SLC9B1: variants seen among roughly 807,000 people sequenced by gnomAD.
SLC9B1 encodes the protein solute carrier family 9 member B1, also known as sodium/hydrogen exchanger 9B1.
SLC9B1 carries 32 observed loss-of-function variants against 51.7 expected under a neutral mutation model. That is an observed-to-expected ratio of 0.62 (90% CI 0.47 to 0.83). The LOEUF (loss-of-function observed/expected upper bound fraction) is 0.83, where lower values mean the gene tolerates loss of function less well. SLC9B1 is among the 40% of genes least tolerant of loss of function. The pLI, the probability that SLC9B1 is intolerant of heterozygous loss-of-function variation, is 0.00. For synonymous variants in SLC9B1, 145 were observed against 212.7 expected, an observed-to-expected ratio of 0.68 and a Z score of 2.77; for missense variants, 406 against 613.2, an observed-to-expected ratio of 0.66 and a Z score of 3.57.
chr4:102,981,184 C>A (rs1655011868), intron 3 of SLC9B1, among the ~76,000 whole-genome samples: 1 of 152,088 alleles, frequency 6.6e-6, no homozygotes, highest in Admixed American at 6.6e-5. Context: ...TAGGTCATTT[C>A]TTTTCAGTAT....
intron 1 of SLC9B1, among the ~76,000 whole-genome samples, chr4:103,011,764 G>A (rs1445413985): frequency 6.6e-6 from 1 of 152,170 alleles, no homozygotes; most frequent in Non-Finnish European, 1.5e-5. Context: ...AAGGAATGCT[G>A]AGCCACATGT....
intron 4 of SLC9B1, 111 bp from the exon 5 acceptor site, chr4:102,946,900 G>C: frequency 1.0e-6 from 1 of 974,008 alleles, no homozygotes; most frequent in East Asian, 2.9e-5. Flanking sequence ...TTGGTAAAGG[G>C]CAGGTTACAA....
intron 3 of SLC9B1, among the ~76,000 whole-genome samples, chr4:102,955,879 AAGAAAGAAAGAAAGAAAGAAAGAG>A (rs1346788868): frequency 1.9e-3 from 277 of 145,826 alleles, no homozygotes; most frequent in African/African-American, 6.3e-3. Flanking sequence ...GAAAGAAAGA[AAGAAAGAAAGAAAGAAAGAAAGAG>A]AGAGAAAGAC....
At chr4:102,887,195 G>C in intron 11 of SLC9B1, 1 of 589,200 alleles carries the variant, frequency 1.7e-6, no homozygotes, top group Non-Finnish European at 3.1e-6. Flanking sequence ...TGGTTCAGTT[G>C]GATGTAGAAT....
chr4:102,974,260 A>C (rs1738937567), intron 3 of SLC9B1, among the ~76,000 whole-genome samples: 1 of 147,404 alleles, frequency 6.8e-6, no homozygotes, highest in Non-Finnish European at 1.5e-5. Context: ...AAAAAAAAAA[A>C]AAAAAATCGG....
At chr4:102,999,303 A>T (rs1740395392) in intron 1 of SLC9B1, among the ~76,000 whole-genome samples, 1 of 152,228 alleles carries the variant, frequency 6.6e-6, no homozygotes, top group Admixed American at 6.5e-5. Context: ...ATGTTAATGT[A>T]GTCCAATTTA....
chr4:102,998,357 T>A (rs1385996407), intron 1 of SLC9B1, among the ~76,000 whole-genome samples: 1 of 152,206 alleles, frequency 6.6e-6, no homozygotes, highest in African/African-American at 2.4e-5. Flanking sequence ...TGTTGTAGCA[T>A]GTACAGAATT....
intron 3 of SLC9B1, among the ~76,000 whole-genome samples, chr4:102,983,877 C>T (rs11737544): frequency 0.55 from 83,067 of 151,748 alleles, 23,298 homozygotes; most frequent in African/African-American, 0.68. Context: ...TTTAATTGTA[C>T]TGATATCTAC....
Position 102,981,465 on chromosome 4 carries a change from C to T in SLC9B1, c.211+8335G>A, listed in dbSNP as rs112620626. ...AGGGGCTGTACAGTTTGTACAACTCCCACCTGCAATGAATGAAAGTTCCTG... is the reference window on the plus strand; with the variant it reads ...AGGGGCTGTACAGTTTGTACAACTCTCACCTGCAATGAATGAAAGTTCCTG... On this transcript the variant is annotated intron_variant, in intron 3 of 11. Coordinates refer to ENST00000296422, the MANE Select transcript of SLC9B1 (RefSeq NM_139173.4). Among the ~76,000 whole-genome samples the T allele has an allele frequency of 2.0e-3, 298 of 152,216 alleles. 5 individuals carry two copies. Among genetic ancestry groups the T allele is most frequent in the African/African-American group, 7.0e-3 (291 of 41,542 alleles).
At chr4:102,935,807 C>G (rs1736692835) in intron 6 of SLC9B1, among the ~76,000 whole-genome samples, 1 of 152,186 alleles carries the variant, frequency 6.6e-6, no homozygotes, top group Admixed American at 6.5e-5. Flanking sequence ...CACGAAGATG[C>G]TGCCACTCTG....
intron 3 of SLC9B1, among the ~76,000 whole-genome samples, chr4:102,960,355 C>T (rs1410620072): frequency 6.6e-6 from 1 of 152,030 alleles, no homozygotes; most frequent in Non-Finnish European, 1.5e-5. Context: ...TGGCCAGAAA[C>T]AGACTGGCAA....
chr4:102,975,677 T>C (rs1739034951), intron 3 of SLC9B1, among the ~76,000 whole-genome samples: 1 of 139,308 alleles, frequency 7.2e-6, no homozygotes. Flanking sequence ...CAAGCGATTC[T>C]CCTGCCTCAG....
At chr4:102,949,896 G>C (rs1737460680) in intron 3 of SLC9B1, among the ~76,000 whole-genome samples, 1 of 152,066 alleles carries the variant, frequency 6.6e-6, no homozygotes, top group Non-Finnish European at 1.5e-5. Flanking sequence ...GGGAGGTGGA[G>C]GTTGCAGTGA....
intron 11 of SLC9B1, among the ~76,000 whole-genome samples, chr4:102,901,855 A>C (rs1734806815): frequency 1.3e-5 from 2 of 152,224 alleles, no homozygotes; most frequent in South Asian, 4.1e-4. Context: ...TTTTTGCTGC[A>C]ACCAGGCTAG....
At chr4:102,924,100 A>G (rs1396474166) in intron 7 of SLC9B1, among the ~76,000 whole-genome samples, 1 of 152,164 alleles carries the variant, frequency 6.6e-6, no homozygotes, top group South Asian at 2.1e-4. Context: ...CATTGCCAAG[A>G]CAGTCTTAAG....
At chr4:102,985,484 G>A (rs1272931243) in intron 3 of SLC9B1, among the ~76,000 whole-genome samples, 4 of 151,198 alleles carry the variant, frequency 2.6e-5, no homozygotes, top group African/African-American at 4.9e-5. Flanking sequence ...TTTTGTAATG[G>A]TTGCCTGAGA....
chr4:102,917,150 T>C (rs1425309611), intron 7 of SLC9B1, among the ~76,000 whole-genome samples: 3 of 152,076 alleles, frequency 2.0e-5, no homozygotes, highest in African/African-American at 7.2e-5. Context: ...TAGGTTCTTT[T>C]GCCTTTGGAC....
chr4:102,964,204 T>C (rs1469495783), intron 3 of SLC9B1, among the ~76,000 whole-genome samples: 2 of 149,252 alleles, frequency 1.3e-5, no homozygotes, highest in Non-Finnish European at 3.0e-5. Flanking sequence ...TTAGATAAAA[T>C]AGAACAATTC....
intron 11 of SLC9B1, chr4:102,890,075 T>A (rs1302573700): frequency 6.6e-6 from 1 of 152,192 alleles, no homozygotes; most frequent in African/African-American, 2.4e-5. Context: ...TACATAAACA[T>A]CAGGTATCCA....
Sources: gnomAD v4.1 joint callset for allele counts (sites outside exome capture counted in the v4.1 genomes callset) on GRCh38, gnomAD v4.1.1 for gene constraint, MANE v1.5 for transcripts, NCBI Gene and HGNC (gene_info 2026-07-23, HGNC 2026-07-21) for gene names.